Variants in CDH13 observed in about 807,000 individuals in gnomAD.
CDH13 encodes the protein cadherin 13, also known as cadherin-13.
CDH13 carries 24 observed loss-of-function variants against 63.8 expected under a neutral mutation model. The observed-to-expected ratio is 0.38, with a 90% confidence interval of 0.27 to 0.53. CDH13 has a LOEUF of 0.53. CDH13 is among the 20% of genes least tolerant of loss of function. The pLI is 0.85. For missense variants in CDH13, 1,049 were observed against 903.1 expected (o/e 1.16, Z -2.07); for synonymous variants, 503 against 355.3 (o/e 1.42, Z -4.67).
chr16:82,689,051 A>G (rs534295655), intron 1 of CDH13: 8 of 152,170 alleles, frequency 5.3e-5, no homozygotes, highest in Non-Finnish European at 1.0e-4. Flanking sequence ...TGTCTTTCAC[A>G]CCAGCTGTGT....
Position 83,658,174 on chromosome 16 carries a change from C to G in CDH13, c.1102-12616C>G, listed in dbSNP as rs540952716. On this transcript the variant is annotated intron_variant, in intron 8 of 13. Coordinates refer to ENST00000567109, the MANE Select transcript of CDH13 (RefSeq NM_001257.5). ...CCACCAGGTCCCATGTCCTCACCAG[C>G]AAGGTCCCATATCCTCACCAGCAAG... Among the ~76,000 whole-genome samples, 104 of 145,782 alleles carry G rather than the reference C, an allele frequency of 7.1e-4. 1 individual carries two copies. Among genetic ancestry groups the G allele is most frequent in the African/African-American group, 2.5e-3 (99 of 39,110 alleles).
At position 83,648,169 on chromosome 16, in the gene CDH13, T is replaced by A. The variant is rs1485791232; in HGVS notation, c.1102-22621T>A. On this transcript the variant is annotated intron_variant, in intron 8 of 13. Coordinates refer to ENST00000567109, the MANE Select transcript of CDH13 (RefSeq NM_001257.5). ...ACCTTGGAAGGACCAAGGTATGGGG[T>A]TAATAAAACACGGATGTTTCATCAT... is the stretch of plus-strand genomic sequence containing the variant. 3.9e-5 allele frequency among the ~76,000 whole-genome samples: 6 copies of A among 152,116 alleles called. No individual in the cohort carries two copies. In the South Asian group the frequency reaches 1.2e-3, roughly 32 times the overall value.
chr16:83,325,171 A>G (rs6563898), intron 5 of CDH13, among the ~76,000 whole-genome samples: 104,037 of 152,102 alleles, frequency 0.68, 35,637 homozygotes, highest in Middle Eastern at 0.75. Context: ...CCACTAAATC[A>G]TGACTCCAGA....
At chr16:83,133,559 C>T (rs1408600375) in intron 4 of CDH13, among the ~76,000 whole-genome samples, 4 of 152,250 alleles carry the variant, frequency 2.6e-5, no homozygotes, top group African/African-American at 4.8e-5. Flanking sequence ...AATGCAGTGG[C>T]GTGATCTGTG....
intron 2 of CDH13, among the ~76,000 whole-genome samples, chr16:83,031,512 C>G (rs891462697): frequency 1.3e-5 from 2 of 151,582 alleles, no homozygotes; most frequent in African/African-American, 4.9e-5. Flanking sequence ...TTCCCTGAAT[C>G]TGTTTTGCTA....
At chr16:83,337,697 T>A (rs1481234094) in intron 5 of CDH13, among the ~76,000 whole-genome samples, 1 of 132,652 alleles carries the variant, frequency 7.5e-6, no homozygotes, top group Non-Finnish European at 1.5e-5. Context: ...ATGTGGTAGC[T>A]AGGCTGATAC....
chr16:82,987,015 C>T (rs553590847), intron 2 of CDH13, among the ~76,000 whole-genome samples: 3 of 152,180 alleles, frequency 2.0e-5, no homozygotes, highest in Non-Finnish European at 2.9e-5. Flanking sequence ...TTTAGGGATT[C>T]ACTTTTCAGG....
chr16:83,136,987 G>A (rs2036317724), intron 4 of CDH13, among the ~76,000 whole-genome samples: 1 of 152,218 alleles, frequency 6.6e-6, no homozygotes, highest in South Asian at 2.1e-4. Flanking sequence ...TTTAACAATG[G>A]ACTTCCATGA....
intron 6 of CDH13, among the ~76,000 whole-genome samples, chr16:83,353,067 G>A (rs1032505237): frequency 2.0e-5 from 3 of 152,312 alleles, no homozygotes; most frequent in Non-Finnish European, 4.4e-5. Flanking sequence ...TGGAGACTCA[G>A]AAGGGTGGAA....
At chr16:83,235,864 G>C (rs1426513104) in intron 5 of CDH13, among the ~76,000 whole-genome samples, 3 of 152,028 alleles carry the variant, frequency 2.0e-5, no homozygotes, top group African/African-American at 7.2e-5. Flanking sequence ...GTCACTCACT[G>C]CATTCGAGGT....
At chr16:82,792,497 T>C (rs1206040455) in intron 1 of CDH13, among the ~76,000 whole-genome samples, 1 of 152,208 alleles carries the variant, frequency 6.6e-6, no homozygotes, top group Non-Finnish European at 1.5e-5. Context: ...CTGGGGGTTC[T>C]GGACTCCCTG....
intron 1 of CDH13, among the ~76,000 whole-genome samples, chr16:82,792,994 G>A (rs531690624): frequency 3.3e-5 from 5 of 152,366 alleles, no homozygotes; most frequent in South Asian, 2.1e-4. Context: ...ATGGGGTGAC[G>A]TTCTGGCCAG....
intron 1 of CDH13, among the ~76,000 whole-genome samples, chr16:82,703,700 A>G (rs117454624): frequency 0.016 from 2,377 of 152,300 alleles, 19 homozygotes; most frequent in Non-Finnish European, 0.021. Flanking sequence ...TATACTTCAC[A>G]AAAATGAGCT....
At chr16:83,527,710 C>T (rs531345503) in intron 7 of CDH13, among the ~76,000 whole-genome samples, 15 of 152,300 alleles carry the variant, frequency 9.8e-5, no homozygotes, top group Admixed American at 9.1e-4. Context: ...GCTGAGACAA[C>T]ACCCAGTCTA....
intron 2 of CDH13, among the ~76,000 whole-genome samples, chr16:82,909,922 C>G (rs1414527928): frequency 9.9e-5 from 15 of 152,142 alleles, no homozygotes; most frequent in Admixed American, 7.9e-4. Flanking sequence ...ATATCTGGTC[C>G]TTTTCTGCTT....
At chr16:83,231,385 C>T (rs548775157) in intron 5 of CDH13, among the ~76,000 whole-genome samples, 2 of 152,234 alleles carry the variant, frequency 1.3e-5, no homozygotes, top group Non-Finnish European at 2.9e-5. Context: ...TTGGATTCAC[C>T]TTTGATTGTA....
At chr16:82,806,096 A>T (rs1296725563) in intron 1 of CDH13, among the ~76,000 whole-genome samples, 1 of 152,046 alleles carries the variant, frequency 6.6e-6, no homozygotes, top group Non-Finnish European at 1.5e-5. Context: ...TTTCCTTCCA[A>T]GCTCAAGGGT....
intron 3 of CDH13, among the ~76,000 whole-genome samples, chr16:83,103,072 C>T (rs1378993336): frequency 6.7e-6 from 1 of 149,142 alleles, no homozygotes; most frequent in Non-Finnish European, 1.5e-5. Context: ...CCTGCCTCAG[C>T]TTCCGAAGTA....
intron 1 of CDH13, among the ~76,000 whole-genome samples, chr16:82,808,371 G>T (rs1424560103): frequency 6.6e-6 from 1 of 152,144 alleles, no homozygotes; most frequent in Admixed American, 6.5e-5. Flanking sequence ...GGGAATTACA[G>T]ATATAATTTG....
Sources: allele counts gnomAD v4.1 joint callset (sites outside exome capture counted in the v4.1 genomes callset), GRCh38; gene constraint gnomAD v4.1.1; transcripts MANE v1.5; gene names NCBI Gene and HGNC (gene_info 2026-07-23, HGNC 2026-07-21).